The following ANKRD11 variants were observed in gnomAD, a reference collection of about 807,000 sequenced individuals.
The protein encoded by ANKRD11 is ankyrin repeat domain-containing protein 11.
ANKRD11 carries 17 observed loss-of-function variants against 195.7 expected under a neutral mutation model. The observed-to-expected ratio is 0.09, with a 90% confidence interval of 0.06 to 0.13. The LOEUF is 0.13. ANKRD11 is among the 10% of genes least tolerant of loss of function. The pLI is 1.00. For missense variants in ANKRD11, 3,735 were observed against 3,566.1 expected, an observed-to-expected ratio of 1.05 and a Z score of -1.21; for synonymous variants, 1,953 against 1,528.1, an observed-to-expected ratio of 1.28 and a Z score of -6.49.
At chr16:89,339,071 G>T (rs766848783) in intron 2 of ANKRD11, among the ~76,000 whole-genome samples, 1 of 152,150 alleles carries the variant, frequency 6.6e-6, no homozygotes, top group Non-Finnish European at 1.5e-5. Context: ...GAGGACAGAC[G>T]TCCTGGGTAA....
intron 2 of ANKRD11, among the ~76,000 whole-genome samples, chr16:89,388,081 T>G (rs895201658): frequency 6.6e-6 from 1 of 151,824 alleles, no homozygotes; most frequent in South Asian, 2.1e-4. Flanking sequence ...TACAAAAAAG[T>G]TGCAAAAATA....
intron 2 of ANKRD11, among the ~76,000 whole-genome samples, chr16:89,413,266 T>C (rs757777699): frequency 5.3e-5 from 8 of 152,230 alleles, no homozygotes; most frequent in Admixed American, 2.0e-4. Context: ...TTACTACGCA[T>C]ATTTTTTTGA....
At chr16:89,314,166 T>TG (rs112476707) in intron 3 of ANKRD11, among the ~76,000 whole-genome samples, 13 of 151,822 alleles carry the variant, frequency 8.6e-5, no homozygotes, top group African/African-American at 2.4e-4. Context: ...TGGGGCAGGG[T>TG]GGGGGGTTAT....
chr16:89,467,521 C>T (rs879777556), intron 1 of ANKRD11, among the ~76,000 whole-genome samples: 1 of 152,094 alleles, frequency 6.6e-6, no homozygotes, highest in Non-Finnish European at 1.5e-5. Context: ...CGCTATCACA[C>T]CCAGCTAAGT....
chr16:89,458,351 A>C (rs1180232649), intron 1 of ANKRD11, among the ~76,000 whole-genome samples: 1 of 151,870 alleles, frequency 6.6e-6, no homozygotes, highest in East Asian at 1.9e-4. Flanking sequence ...CAGCCTCCTG[A>C]GTAGCTGGGA....
At chr16:89,274,600 C>T (rs576674479) in intron 11 of ANKRD11, 33 of 678,172 alleles carry the variant, frequency 4.9e-5, no homozygotes, top group Non-Finnish European at 8.1e-5. Context: ...AGGGCCTTGC[C>T]CGTGCGGGGA....
At chr16:89,354,035 G>A (rs1286197641) in intron 2 of ANKRD11, among the ~76,000 whole-genome samples, 1 of 152,142 alleles carries the variant, frequency 6.6e-6, no homozygotes, top group Non-Finnish European at 1.5e-5. Context: ...ATGGGAGCCA[G>A]AGCACCCAGC....
chr16:89,449,383 A>G (rs1339862190), intron 1 of ANKRD11, among the ~76,000 whole-genome samples: 1 of 152,128 alleles, frequency 6.6e-6, no homozygotes, highest in Non-Finnish European at 1.5e-5. Flanking sequence ...AGAAACACAG[A>G]CATGGAGAGA....
At chr16:89,474,294 G>T (rs146617847) in intron 1 of ANKRD11, among the ~76,000 whole-genome samples, 51 of 152,116 alleles carry the variant, frequency 3.4e-4, no homozygotes, top group African/African-American at 1.1e-3. Flanking sequence ...TAAATGTGTT[G>T]TGTGTCAATT....
At chr16:89,401,093 C>A (rs1258871835) in intron 2 of ANKRD11, among the ~76,000 whole-genome samples, 5 of 138,108 alleles carry the variant, frequency 3.6e-5, no homozygotes, top group South Asian at 2.8e-4. Context: ...CTCTCCCCCC[C>A]ACCCGCCCTC....
intron 5 of ANKRD11, 88 bp from the exon 6 acceptor site, chr16:89,290,916 G>T (rs1214223665): frequency 2.5e-6 from 4 of 1,608,690 alleles, no homozygotes; most frequent in South Asian, 1.1e-5. Context: ...CCATCACGAG[G>T]TCCCTTTGCA....
At chr16:89,401,100 CCTCCCCCTCCCCAGAGGGAGTCTTGTT>C in intron 2 of ANKRD11, among the ~76,000 whole-genome samples, 1 of 148,994 alleles carries the variant, frequency 6.7e-6, no homozygotes, top group South Asian at 2.2e-4. Context: ...CCCCACCCGC[CCTCCCCCTCCCCAGAGGGAGTCTTGTT>C]CTGCTGCTCA....
intron 1 of ANKRD11, among the ~76,000 whole-genome samples, chr16:89,436,087 T>C (rs1159130268): frequency 6.6e-6 from 1 of 151,984 alleles, no homozygotes; most frequent in Admixed American, 6.5e-5. Context: ...GATTCCCCAT[T>C]TGGGAAAGTA....
chr16:89,317,592 C>A (rs548038552), intron 2 of ANKRD11, among the ~76,000 whole-genome samples: 1 of 152,264 alleles, frequency 6.6e-6, no homozygotes, highest in African/African-American at 2.4e-5. Context: ...GCTTTTTGCA[C>A]ACCCAGTTCC....
At chr16:89,466,902 G>A (rs546135125) in intron 1 of ANKRD11, among the ~76,000 whole-genome samples, 2 of 152,294 alleles carry the variant, frequency 1.3e-5, no homozygotes, top group South Asian at 2.1e-4. Flanking sequence ...GTCAGTGGCC[G>A]GAGATGAAAG....
chr16:89,282,384 CCTG>C lies in ANKRD11; in HGVS notation c.4155_4157del (p.Ser1385del), dbSNP rs2034331036. 1 of 1,614,098 alleles carries C rather than the reference CCTG, an allele frequency of 6.2e-7. No homozygotes were observed. Among genetic ancestry groups the C allele is most frequent in the Admixed American group, 1.7e-5 (1 of 60,012 alleles). ...CCTTTTCGTACTGGCCGGAGTCCTT[CCTG>C]CTACCGCCCTCCTTGTAATCTTCGC... On this transcript the variant is annotated inframe_deletion, in exon 9 of 13. Coordinates refer to ENST00000301030, the MANE Select transcript of ANKRD11 (RefSeq NM_013275.6).
chr16:89,392,154 G>A (rs1046388915), intron 2 of ANKRD11, among the ~76,000 whole-genome samples: 1 of 152,202 alleles, frequency 6.6e-6, no homozygotes, highest in African/African-American at 2.4e-5. Flanking sequence ...TAAAAAAACC[G>A]GACACAGCGT....
At position 89,281,715 on chromosome 16, in the gene ANKRD11, C is replaced by T; in HGVS notation, c.4827G>A (p.Glu1609=). 6.2e-7 allele frequency: 1 copy of T among 1,614,138 alleles called. No homozygotes were observed. The highest frequency in any genetic ancestry group is 8.5e-7 in the Non-Finnish European group (1 of 1,180,028). ...GGTCTCCGGACCGGTGCCTCAGCTT[C>T]TCCATTTGCTTCATCCTCTCCTTGT... ...KRHKERMKQM[E]KLRHRSGDPK... Residue 1609 remains glutamate (E), a synonymous_variant, in exon 9 of 13, where the codon GAG becomes GAA. Coordinates refer to ENST00000301030, the MANE Select transcript of ANKRD11 (RefSeq NM_013275.6). This position sits in a 1 kb window ranked among gnomAD's most constrained non-coding sequence, Gnocchi z 5.5.
chr16:89,339,697 A>C (rs2038563064), intron 2 of ANKRD11, among the ~76,000 whole-genome samples: 1 of 152,248 alleles, frequency 6.6e-6, no homozygotes, highest in Admixed American at 6.5e-5. Context: ...GAATACAAAC[A>C]CACATCCACC....
Sources: gnomAD v4.1 joint callset for allele counts (sites outside exome capture counted in the v4.1 genomes callset) on GRCh38, gnomAD v4.1.1 for gene constraint, Gnocchi (gnomAD v3.1) non-coding constraint, MANE v1.5 for transcripts, NCBI Gene and HGNC (gene_info 2026-07-23, HGNC 2026-07-21) for gene names.